DNAAF4: variants seen among roughly 807,000 people sequenced by gnomAD.
DNAAF4 encodes dynein assembly factor 4, axonemal.
In DNAAF4, 43 loss-of-function variants were observed where a neutral mutation model predicts 51.8. That is an observed-to-expected ratio of 0.83 (90% CI 0.65 to 1.07). The LOEUF is 1.07. Among genes scored for constraint, DNAAF4 ranks in the 50% least tolerant of loss-of-function variants. DNAAF4 has a pLI of 0.00. For missense variants in DNAAF4, 581 were observed against 493.0 expected (o/e 1.18, Z -1.69); for synonymous variants, 194 against 165.6 (o/e 1.17, Z -1.32).
chr15:55,431,038 T>G (rs551971672), intron 9 of DNAAF4, among the ~76,000 whole-genome samples: 2 of 151,586 alleles, frequency 1.3e-5, no homozygotes, highest in African/African-American at 4.8e-5. Flanking sequence ...CTCAGCCTCC[T>G]GAGTAGCTGG....
rs188412550 is a variant in DNAAF4, at chr15:55,490,932, C to T, written c.405+191G>A. ...TCACCGCACTGCACTCCAGCCTGGG[C>T]GACAGAGTGAGACTCGGTCTCAAGA... is the stretch of plus-strand genomic sequence containing the variant. On this transcript the variant is annotated intron_variant, in intron 4 of 9. Coordinates refer to ENST00000321149, the MANE Select transcript of DNAAF4 (RefSeq NM_130810.4). The T allele has an allele frequency of 9.4e-4, 508 of 537,768 alleles. 1 individual carries two copies. The highest frequency in any genetic ancestry group is 1.4e-3 in the Non-Finnish European group (445 of 328,470). 33.3% of individuals were successfully genotyped at this position (537,768 alleles called of 1,614,324 possible). A position where few individuals can be genotyped will look rare whatever the true frequency, so the allele number is the denominator to read the frequency against.
intron 1 of DNAAF4, among the ~76,000 whole-genome samples, chr15:55,506,985 GATT>G (rs2058730558): frequency 6.6e-6 from 1 of 152,036 alleles, no homozygotes; most frequent in African/African-American, 2.4e-5. Flanking sequence ...GAGTAGCTGG[GATT>G]ACAGGCACCC....
chr15:55,492,364 G>C (rs766245764), intron 3 of DNAAF4, among the ~76,000 whole-genome samples: 73 of 151,930 alleles, frequency 4.8e-4, no homozygotes, highest in Non-Finnish European at 9.9e-4. Flanking sequence ...GTAGAGGGAT[G>C]AATCATACCC....
At chr15:55,507,011 G>A (rs1481437878) in intron 1 of DNAAF4, among the ~76,000 whole-genome samples, 1 of 151,942 alleles carries the variant, frequency 6.6e-6, no homozygotes, top group East Asian at 1.9e-4. Flanking sequence ...CACCAAGCCT[G>A]GCTAATTTTT....
intron 5 of DNAAF4, among the ~76,000 whole-genome samples, chr15:55,460,575 C>G (rs955272270): frequency 9.9e-5 from 15 of 152,092 alleles, no homozygotes; most frequent in African/African-American, 3.4e-4. Context: ...ACTGACAGCA[C>G]TAGACAGGTA....
intron 6 of DNAAF4, among the ~76,000 whole-genome samples, chr15:55,440,166 C>T (rs2057685215): frequency 1.3e-5 from 2 of 151,860 alleles, no homozygotes; most frequent in African/African-American, 2.4e-5. Flanking sequence ...GATTCTCCTG[C>T]CTCAGCCTCC....
At chr15:55,497,152 T>G (rs1406267534) in intron 3 of DNAAF4, among the ~76,000 whole-genome samples, 2 of 152,156 alleles carry the variant, frequency 1.3e-5, no homozygotes, top group East Asian at 3.8e-4. Context: ...CTCTCAAATC[T>G]CACCGCTTGG....
intron 5 of DNAAF4, among the ~76,000 whole-genome samples, chr15:55,461,251 G>A (rs2058090694): frequency 1.3e-5 from 2 of 151,818 alleles, no homozygotes; most frequent in Admixed American, 6.6e-5. Flanking sequence ...TGTACTTTTA[G>A]TAGAGATGGG....
intron 5 of DNAAF4, among the ~76,000 whole-genome samples, chr15:55,454,810 T>C (rs1035295941): frequency 6.6e-6 from 1 of 152,092 alleles, no homozygotes; most frequent in Non-Finnish European, 1.5e-5. Flanking sequence ...ATTGAACTTA[T>C]ACTAATGAAC....
chr15:55,477,631 AGTATGTAT>A, intron 4 of DNAAF4, among the ~76,000 whole-genome samples: 1 of 147,840 alleles, frequency 6.8e-6, no homozygotes, highest in Non-Finnish European at 1.5e-5. Context: ...AATATATGTA[AGTATGTAT>A]GTATGTATGC....
rs2057912232 is a variant in DNAAF4 at position 55,450,208 on chromosome 15, G to T, written c.783+14C>A. 4 of 1,581,722 alleles carry T rather than the reference G, an allele frequency of 2.5e-6. No individual in the cohort carries two copies. The highest frequency in any genetic ancestry group is 3.4e-6 in the Non-Finnish European group (4 of 1,168,170). On this transcript the variant is annotated intron_variant, in intron 6 of 9. Transcript: ENST00000321149. Reference sequence around the variant, plus strand: ...TTCATTTGTGGTAATTGTAACTAGAGTAAGTATATATACCTCCTCCTCTTC... The same window carrying T: ...TTCATTTGTGGTAATTGTAACTAGATTAAGTATATATACCTCCTCCTCTTC...
chr15:55,498,290 T>C lies in DNAAF4; in HGVS notation c.40A>G (p.Lys14Glu). The change falls in exon 2 of 10, where the codon AAG (lysine) becomes GAG (glutamate). Residue 14 changes from lysine to glutamate, a missense_variant. Transcript: ENST00000321149. ...QVSDYSWQQT[K>E]TAVFLSLPLK... ...GGCAGAGACAGAAAGACCGCAGTCT[T>C]CGTCTGCTGCCAGCTGTAATCGCTA... 6.2e-7 allele frequency: 1 copy of C among 1,613,278 alleles called. No homozygotes were observed. The highest frequency in any genetic ancestry group is 8.5e-7 in the Non-Finnish European group (1 of 1,179,572).
downstream of DNAAF4, among the ~76,000 whole-genome samples, chr15:55,427,563 C>T (rs1490065841): frequency 3.3e-5 from 5 of 151,918 alleles, no homozygotes; most frequent in East Asian, 5.8e-4. Flanking sequence ...AGTGCAGGGT[C>T]TGCAAAATAT....
chr15:55,508,073 G>C (rs937067994), intron 1 of DNAAF4, 49 bp downstream of exon 1: 2 of 152,082 alleles, frequency 1.3e-5, no homozygotes, highest in Non-Finnish European at 2.9e-5. Context: ...CAAAGTTTGA[G>C]AACCACTAGA....
At chr15:55,434,850 C>T in intron 8 of DNAAF4, 55 bp downstream of exon 8, 3 of 1,322,142 alleles carry the variant, frequency 2.3e-6, no homozygotes, top group Non-Finnish European at 3.0e-6. Flanking sequence ...TCATTTAAAC[C>T]AATTAATAGA....
At chr15:55,483,164 T>C (rs2058435332) in intron 4 of DNAAF4, among the ~76,000 whole-genome samples, 2 of 152,112 alleles carry the variant, frequency 1.3e-5, no homozygotes, top group African/African-American at 4.8e-5. Flanking sequence ...TGGCTCAATC[T>C]CGGCTCAATG....
chr15:55,446,146 G>GAT (rs2057803825), intron 6 of DNAAF4, among the ~76,000 whole-genome samples: 4 of 144,018 alleles, frequency 2.8e-5, no homozygotes, highest in South Asian at 2.3e-4. Context: ...CTTCCCAGAT[G>GAT]CGGCAGCCGG....
At position 55,497,856 on chromosome 15, in the gene DNAAF4, TG is replaced by T; in HGVS notation, c.126del (p.Asn43ThrfsTer15). 6.2e-7 allele frequency: 1 copy of T among 1,609,560 alleles called. No homozygotes were observed. The highest frequency in any genetic ancestry group is 1.3e-5 in the African/African-American group (1 of 74,776). On this transcript the variant is annotated frameshift_variant and splice_region_variant, in exon 3 of 10. Transcript: ENST00000321149. LOFTEE classifies it high-confidence loss of function. ...GCCTCAAATAAAAATGGAGGAAAGTTGACCTATGCAGAAGGGTGAAAACAGA... is the reference window on the plus strand; with the variant it reads ...GCCTCAAATAAAAATGGAGGAAAGTTACCTATGCAGAAGGGTGAAAACAGA... The part of the protein sequence containing the change: ...DVFCTENYLK[V>X]NFPPFLFEAF...
At chr15:55,479,683 GAATATT>G (rs2058381716) in intron 4 of DNAAF4, among the ~76,000 whole-genome samples, 1 of 152,076 alleles carries the variant, frequency 6.6e-6, no homozygotes, top group African/African-American at 2.4e-5. Context: ...TCCTAGCAAG[GAATATT>G]AATATTAATA....
Sources: allele counts gnomAD v4.1 joint callset (sites outside exome capture counted in the v4.1 genomes callset), GRCh38; gene constraint gnomAD v4.1.1; transcripts MANE v1.5; gene names NCBI Gene and HGNC (gene_info 2026-07-23, HGNC 2026-07-21).